The following ARSG variants were observed in gnomAD, a reference collection of about 807,000 sequenced individuals.
ARSG encodes the protein arylsulfatase G.
Under a neutral mutation model 50.5 loss-of-function variants are expected in ARSG, and 37 were observed. The ratio of observed to expected loss-of-function variants is 0.73; its 90% confidence interval spans 0.56 to 0.96. The LOEUF (loss-of-function observed/expected upper bound fraction) is 0.96. Ranked by LOEUF, ARSG falls within the 50% of genes least tolerant of loss-of-function variation. The pLI is 0.00. For missense variants in ARSG, 629 were observed against 675.3 expected, an observed-to-expected ratio of 0.93 and a Z score of 0.76; for synonymous variants, 225 against 254.6, an observed-to-expected ratio of 0.88 and a Z score of 1.11.
intron 8 of ARSG, among the ~76,000 whole-genome samples, chr17:68,374,877 A>G (rs940924440): frequency 2.0e-5 from 3 of 151,348 alleles, no homozygotes; most frequent in Non-Finnish European, 4.4e-5. Context: ...AAAGAGAAAG[A>G]AAACAGAAAA....
intron 2 of ARSG, among the ~76,000 whole-genome samples, chr17:68,329,355 G>A (rs571093861): frequency 6.6e-6 from 1 of 152,334 alleles, no homozygotes; most frequent in East Asian, 1.9e-4. Context: ...CCCGTGTCAT[G>A]TCACATCTGG....
chr17:68,435,815 G>T, the ARSG span: 1 of 1,038,280 alleles, frequency 9.6e-7, no homozygotes, highest in Non-Finnish European at 1.5e-6. Context: ...CCTTTGTCCA[G>T]CTCCCTGTCT....
At chr17:68,332,183 C>T (rs910955617) in intron 2 of ARSG, among the ~76,000 whole-genome samples, 22 of 152,176 alleles carry the variant, frequency 1.4e-4, no homozygotes, top group African/African-American at 5.3e-4. Flanking sequence ...TAGAGACCTC[C>T]CCTTGGGAAC....
intron 6 of ARSG, among the ~76,000 whole-genome samples, chr17:68,364,816 T>TC (rs1459066319): frequency 2.6e-5 from 4 of 152,144 alleles, no homozygotes; most frequent in Admixed American, 2.0e-4. Flanking sequence ...GCATCAGGTG[T>TC]CCCCCCACTC....
At chr17:68,304,640 T>G (rs1053507497) in intron 1 of ARSG, among the ~76,000 whole-genome samples, 1 of 152,224 alleles carries the variant, frequency 6.6e-6, no homozygotes, top group Non-Finnish European at 1.5e-5. Flanking sequence ...TGGTTCTCCT[T>G]TAATCTGCTC....
Position 68,347,117 on chromosome 17 carries a change from T to C in ARSG, c.407-8T>C, listed in dbSNP as rs1000795015. ...TCCTCTGAAAATCTCTCTTATGTTT[T>C]TCTACAGGCAAATGGCATCTTGGAC... On this transcript the variant is annotated splice_region_variant and splice_polypyrimidine_tract_variant and intron_variant, in intron 3 of 11. Coordinates refer to ENST00000621439, the MANE Select transcript of ARSG (RefSeq NM_001267727.2). 1.2e-6 allele frequency: 2 copies of C among 1,613,970 alleles called. No homozygotes were observed. The highest frequency in any genetic ancestry group is 1.7e-5 in the Admixed American group (1 of 60,030).
intron 1 of ARSG, chr17:68,278,036 A>G: frequency 7.9e-7 from 1 of 1,263,468 alleles, no homozygotes; most frequent in Non-Finnish European, 1.1e-6. Context: ...CAAGGTAGCC[A>G]AATTAAAAGG....
chr17:68,436,550 TGAAAACA>T, the ARSG span: 2 of 1,436,836 alleles, frequency 1.4e-6, no homozygotes, highest in Admixed American at 3.5e-5. Flanking sequence ...AGAGGGCATC[TGAAAACA>T]GTACAGCTAC....
intron 1 of ARSG, among the ~76,000 whole-genome samples, chr17:68,263,230 A>C (rs1599467532): frequency 1.2e-5 from 1 of 84,054 alleles, no homozygotes; most frequent in Admixed American, 1.3e-4. Flanking sequence ...CTGCACCTTT[A>C]GAGAGTCATT....
chr17:68,370,737 G>A (rs932813254), intron 8 of ARSG, among the ~76,000 whole-genome samples: 1 of 152,114 alleles, frequency 6.6e-6, no homozygotes, highest in South Asian at 2.1e-4. Flanking sequence ...GACCATCCCT[G>A]TCTCTCCTTT....
chr17:68,384,138 A>AAT (rs2080583089), intron 8 of ARSG, among the ~76,000 whole-genome samples: 1 of 152,132 alleles, frequency 6.6e-6, no homozygotes, highest in Admixed American at 6.6e-5. Flanking sequence ...GCATGACCAC[A>AAT]GTGTGTGTGA....
At chr17:68,282,567 G>A (rs2075726794) in intron 1 of ARSG, among the ~76,000 whole-genome samples, 1 of 151,816 alleles carries the variant, frequency 6.6e-6, no homozygotes, top group Non-Finnish European at 1.5e-5. Context: ...GGGAAACTGA[G>A]GCTGGAGGAT....
intron 1 of ARSG, among the ~76,000 whole-genome samples, chr17:68,275,779 A>G (rs1555750690): frequency 6.6e-6 from 1 of 151,990 alleles, no homozygotes; most frequent in African/African-American, 2.4e-5. Flanking sequence ...CAGGAGTTAG[A>G]GACTAGCCTG....
intron 1 of ARSG, among the ~76,000 whole-genome samples, chr17:68,292,431 G>A (rs1351895793): frequency 6.6e-6 from 1 of 152,234 alleles, no homozygotes; most frequent in East Asian, 1.9e-4. Context: ...GCATGTGTCA[G>A]ATCCTAGACA....
At chr17:68,292,476 T>G (rs910050887) in intron 1 of ARSG, among the ~76,000 whole-genome samples, 4 of 152,220 alleles carry the variant, frequency 2.6e-5, no homozygotes, top group African/African-American at 7.2e-5. Context: ...CTTAGCTTCT[T>G]GGTCTCTACC....
the ARSG span, among the ~76,000 whole-genome samples, chr17:68,447,918 G>A: frequency 1.3e-4 from 19 of 150,278 alleles, no homozygotes; most frequent in African/African-American, 4.4e-4. Flanking sequence ...GCTTGAACAC[G>A]GGAGGTAGAG....
At chr17:68,277,535 T>G (rs577377054) in intron 1 of ARSG, among the ~76,000 whole-genome samples, 19 of 152,268 alleles carry the variant, frequency 1.2e-4, no homozygotes, top group African/African-American at 4.1e-4. Flanking sequence ...GTTCAAGCAA[T>G]TCTCGTGCCT....
chr17:68,280,662 A>G (rs1368071690), intron 1 of ARSG, among the ~76,000 whole-genome samples: 1 of 152,262 alleles, frequency 6.6e-6, no homozygotes, highest in Non-Finnish European at 1.5e-5. Context: ...ACTTAAATGT[A>G]AGACCTAAAA....
downstream of ARSG, among the ~76,000 whole-genome samples, chr17:68,425,256 T>C (rs1490419606): frequency 6.6e-6 from 1 of 152,164 alleles, no homozygotes; most frequent in Non-Finnish European, 1.5e-5. Context: ...TAGGCTGGAG[T>C]GCAGTGGCAC....
Sources: gnomAD v4.1 joint callset for allele counts (sites outside exome capture counted in the v4.1 genomes callset) on GRCh38, gnomAD v4.1.1 for gene constraint, MANE v1.5 for transcripts, NCBI Gene and HGNC (gene_info 2026-07-23, HGNC 2026-07-21) for gene names.